Variants in BICD1 observed in about 807,000 individuals in gnomAD.
BICD1 encodes protein bicaudal D homolog 1.
A neutral mutation model predicts 92.5 loss-of-function variants in BICD1; 35 were observed. That is an observed-to-expected ratio of 0.38 (90% CI 0.29 to 0.50). The LOEUF (loss-of-function observed/expected upper bound fraction) is 0.50. BICD1 is among the 20% of genes least tolerant of loss of function. The pLI, the probability that BICD1 is intolerant of heterozygous loss-of-function variation, is 0.93. For missense variants in BICD1, 950 were observed against 1,189.8 expected, an observed-to-expected ratio of 0.80 and a Z score of 2.97; for synonymous variants, 429 against 465.1, an observed-to-expected ratio of 0.92 and a Z score of 1.00.
chr12:32,146,779 CCTT>C (rs1943116527), intron 1 of BICD1, among the ~76,000 whole-genome samples: 1 of 151,592 alleles, frequency 6.6e-6, no homozygotes, highest in Non-Finnish European at 1.5e-5. Context: ...TTCTTCTTCT[CCTT>C]CTGCTTCTCT....
intron 3 of BICD1, among the ~76,000 whole-genome samples, chr12:32,295,567 A>T (rs553634637): frequency 6.6e-6 from 1 of 151,942 alleles, no homozygotes; most frequent in East Asian, 1.9e-4. Context: ...TGATTGATTG[A>T]TTGATTGATA....
chr12:32,244,028 T>C (rs1281848954), intron 2 of BICD1, among the ~76,000 whole-genome samples: 1 of 152,196 alleles, frequency 6.6e-6, no homozygotes, highest in East Asian at 1.9e-4. Context: ...CCAGTGGCAT[T>C]TAAGAAATCA....
chr12:32,278,726 G>T (rs1214641034), intron 2 of BICD1, among the ~76,000 whole-genome samples: 1 of 152,086 alleles, frequency 6.6e-6, no homozygotes, highest in African/African-American at 2.4e-5. Context: ...CGTGTTGGCG[G>T]GCGCCTGTAG....
intron 1 of BICD1, among the ~76,000 whole-genome samples, chr12:32,109,864 T>TGAGGTGTTA: frequency 6.6e-6 from 1 of 152,096 alleles, no homozygotes; most frequent in East Asian, 1.9e-4. Flanking sequence ...TTGTGCAAAC[T>TGAGGTGTTA]GAGGTGTTCC....
chr12:32,176,722 G>A (rs1315246377), intron 1 of BICD1, among the ~76,000 whole-genome samples: 1 of 152,150 alleles, frequency 6.6e-6, no homozygotes, highest in African/African-American at 2.4e-5. Context: ...AGTTTCATCA[G>A]TGTTATTGTG....
chr12:32,210,399 A>T, intron 1 of BICD1, among the ~76,000 whole-genome samples: 2 of 152,338 alleles, frequency 1.3e-5, no homozygotes, highest in East Asian at 3.8e-4. Context: ...TATACTAGTC[A>T]AAATTTTATT....
rs1479044822 is a variant in BICD1 at position 32,117,753 on chromosome 12, T to C, written c.213+10209T>C. On this transcript the variant is annotated intron_variant, in intron 1 of 9. Coordinates refer to ENST00000652176, the MANE Select transcript of BICD1 (RefSeq NM_001714.4). ...ACACACACATATATATATATATATATATATATTTTTTTTTAAGACCATATT... is the reference window on the plus strand; with the variant it reads ...ACACACACATATATATATATATATACATATATTTTTTTTTAAGACCATATT... Among the ~76,000 whole-genome samples the C allele has an allele frequency of 8.1e-3, 847 of 104,114 alleles. 7 individuals carry two copies. The highest frequency in any genetic ancestry group is 0.024 in the African/African-American group (822 of 34,132). 68.3% of individuals were successfully genotyped at this position (104,114 alleles called of 152,430 possible).
At chr12:32,149,764 G>A (rs931548695) in intron 1 of BICD1, among the ~76,000 whole-genome samples, 22 of 152,296 alleles carry the variant, frequency 1.4e-4, no homozygotes, top group African/African-American at 5.1e-4. Context: ...CTTGCTGTCT[G>A]CTTCACAGAT....
chr12:32,367,717 G>A lies in BICD1; in HGVS notation c.2812G>A (p.Ala938Thr), dbSNP rs202093248. ...ASVPPQCSQL[A>T]GRQDCPTVSP... is the part of the protein sequence containing the mutation. ...CGTACCGCCACAGTGCTCACAACTA[G>A]CCGGGAGGCAAGACTGCCCAACTGT... Residue 938 changes from alanine (A) to threonine (T), a missense_variant, in exon 9 of 10, where the codon GCC becomes ACC. Transcript: ENST00000652176. 16 of 1,614,110 alleles carry A rather than the reference G, an allele frequency of 9.9e-6. No individual in the cohort carries two copies. The highest frequency in any genetic ancestry group is 1.3e-5 in the African/African-American group (1 of 75,064).
At chr12:32,325,983 T>C (rs1036468420) in intron 4 of BICD1, among the ~76,000 whole-genome samples, 1 of 141,030 alleles carries the variant, frequency 7.1e-6, no homozygotes, top group Non-Finnish European at 1.5e-5. Flanking sequence ...CTGGGGAGGC[T>C]GAGGTGGGAG....
intron 2 of BICD1, among the ~76,000 whole-genome samples, chr12:32,242,767 G>T (rs958669091): frequency 6.6e-6 from 1 of 152,062 alleles, no homozygotes; most frequent in African/African-American, 2.4e-5. Flanking sequence ...TCTACTGATC[G>T]TTTCTTATGA....
At chr12:32,261,003 C>G (rs75601287) in intron 2 of BICD1, among the ~76,000 whole-genome samples, 1 of 152,156 alleles carries the variant, frequency 6.6e-6, no homozygotes, top group Non-Finnish European at 1.5e-5. Flanking sequence ...GCCACTGATT[C>G]GGAGAATCTC....
At chr12:32,182,130 C>T (rs912937583) in intron 1 of BICD1, among the ~76,000 whole-genome samples, 2 of 151,834 alleles carry the variant, frequency 1.3e-5, no homozygotes, top group African/African-American at 4.8e-5. Flanking sequence ...CAGGAAACTT[C>T]TCATTGTAAA....
intron 1 of BICD1, among the ~76,000 whole-genome samples, chr12:32,201,424 C>T (rs1342865856): frequency 6.6e-6 from 1 of 151,602 alleles, no homozygotes; most frequent in East Asian, 1.9e-4. Context: ...GGTATTCCAG[C>T]GATTTGGCAC....
At chr12:32,132,341 G>A (rs1160581802) in intron 1 of BICD1, among the ~76,000 whole-genome samples, 10 of 151,644 alleles carry the variant, frequency 6.6e-5, no homozygotes, top group Non-Finnish European at 8.8e-5. Flanking sequence ...GCTTGAACCC[G>A]GGAGGCGGAG....
intron 2 of BICD1, among the ~76,000 whole-genome samples, chr12:32,272,408 A>G (rs1251642049): frequency 6.6e-6 from 1 of 152,218 alleles, no homozygotes. Flanking sequence ...TAAGTGATTA[A>G]CTTCTTTTAA....
chr12:32,175,515 C>T (rs1238015024), intron 1 of BICD1, among the ~76,000 whole-genome samples: 1 of 152,066 alleles, frequency 6.6e-6, no homozygotes, highest in Non-Finnish European at 1.5e-5. Flanking sequence ...CGGGATTTCG[C>T]CATGTTGGCC....
intron 1 of BICD1, among the ~76,000 whole-genome samples, chr12:32,117,214 G>T (rs1194087038): frequency 6.6e-6 from 1 of 152,136 alleles, no homozygotes; most frequent in African/African-American, 2.4e-5. Context: ...AATACTCTAT[G>T]GGGAGTTGTC....
intron 1 of BICD1, among the ~76,000 whole-genome samples, chr12:32,131,271 A>G (rs1009583337): frequency 6.6e-6 from 1 of 152,066 alleles, no homozygotes; most frequent in Non-Finnish European, 1.5e-5. Flanking sequence ...TGATTTTTTT[A>G]AAAAAATTAT....
Sources: allele counts gnomAD v4.1 joint callset (sites outside exome capture counted in the v4.1 genomes callset), GRCh38; gene constraint gnomAD v4.1.1; transcripts MANE v1.5; gene names NCBI Gene and HGNC (gene_info 2026-07-23, HGNC 2026-07-21).